Variants in OBI1 observed in about 807,000 individuals in gnomAD.
OBI1 encodes the protein ring finger protein 219.
In OBI1, 59 loss-of-function variants were observed where a neutral mutation model predicts 62.4. That is an observed-to-expected ratio of 0.95 (90% CI 0.77 to 1.17). The LOEUF (loss-of-function observed/expected upper bound fraction) is 1.17. Among genes scored for constraint, OBI1 ranks in the 50% most tolerant of loss-of-function variants. The probability of loss-of-function intolerance (pLI) is 0.00; values close to 1 mark genes in which losing one functional copy is unlikely to be tolerated. For missense variants in OBI1, 875 were observed against 830.9 expected (o/e 1.05, Z -0.65); for synonymous variants, 302 against 292.8 (o/e 1.03, Z -0.32).
intron 3 of OBI1, 65 bp downstream of exon 3, chr13:78,642,057 G>A: frequency 3.6e-6 from 3 of 826,572 alleles, no homozygotes; most frequent in Non-Finnish European, 6.2e-6. Flanking sequence ...TCTGGGGACT[G>A]AGGTAGGTCA....
At chr13:78,656,729 T>G (rs1410638663) in intron 1 of OBI1, among the ~76,000 whole-genome samples, 4 of 20,576 alleles carry the variant, frequency 1.9e-4, no homozygotes, top group Admixed American at 7.7e-4. Context: ...CCATGGTACC[T>G]GGGGGGGGGG....
At chr13:78,643,349 T>C (rs1281878807) in intron 2 of OBI1, among the ~76,000 whole-genome samples, 4 of 152,172 alleles carry the variant, frequency 2.6e-5, no homozygotes, top group Non-Finnish European at 5.9e-5. Flanking sequence ...CCCCGTAGCA[T>C]GCAACACAGC....
intron 3 of OBI1, among the ~76,000 whole-genome samples, chr13:78,641,504 T>C (rs1292154847): frequency 6.6e-6 from 1 of 152,182 alleles, no homozygotes; most frequent in Non-Finnish European, 1.5e-5. Flanking sequence ...GCTTAATGTG[T>C]ACTATTCAAA....
intron 5 of OBI1, among the ~76,000 whole-genome samples, chr13:78,627,641 G>GTA (rs1291333713): frequency 6.6e-6 from 1 of 152,198 alleles, no homozygotes; most frequent in Non-Finnish European, 1.5e-5. Flanking sequence ...ATTCCATGCT[G>GTA]TATATGTACC....
intron 5 of OBI1, among the ~76,000 whole-genome samples, chr13:78,634,743 T>C (rs962317013): frequency 1.3e-5 from 2 of 152,230 alleles, no homozygotes; most frequent in Non-Finnish European, 1.5e-5. Flanking sequence ...GAAAGAACTA[T>C]ATGAACATTA....
Position 78,636,145 on chromosome 13 carries a change from T to C in OBI1, c.550-947A>G, listed in dbSNP as rs191604300. 1.4e-4 allele frequency among the ~76,000 whole-genome samples: 21 copies of C among 152,292 alleles called. No homozygotes were observed. The South Asian group carries it at 3.1e-3, about 23-fold the overall frequency. ...TCCAAGTATGATTTTCTTTCTTGAA[T>C]TGTATAACACCTAAAAATTACCTAA... On this transcript the variant is annotated intron_variant, in intron 4 of 5. Coordinates refer to ENST00000282003, the MANE Select transcript of OBI1 (RefSeq NM_024546.4).
intron 1 of OBI1, among the ~76,000 whole-genome samples, chr13:78,648,685 G>T (rs916523744): frequency 2.0e-5 from 3 of 152,000 alleles, no homozygotes; most frequent in African/African-American, 7.2e-5. Flanking sequence ...AGGCCGAGGC[G>T]GGCTGATCAC....
In OBI1 at chr13:78,648,307, CACACAG is replaced by C. The variant is rs1278869303; in HGVS notation, c.73-3316_73-3311del. ...ACACACACACACACACACACACACACACACAGACACACACACCCCTGCAATATTCCT... is the reference window on the plus strand; with the variant it reads ...ACACACACACACACACACACACACACACACACACACCCCTGCAATATTCCT... On this transcript the variant is annotated intron_variant, in intron 1 of 5. Coordinates refer to ENST00000282003, the MANE Select transcript of OBI1 (RefSeq NM_024546.4). Among the ~76,000 whole-genome samples the C allele has an allele frequency of 4.0e-5, 6 of 151,818 alleles. 1 individual carries two copies.
At chr13:78,658,746 C>T (rs1402273068) in intron 1 of OBI1, among the ~76,000 whole-genome samples, 1 of 152,156 alleles carries the variant, frequency 6.6e-6, no homozygotes, top group Non-Finnish European at 1.5e-5. Context: ...CTGATGGGGC[C>T]TCCTTCGAGG....
intron 5 of OBI1, 85 bp downstream of exon 5, chr13:78,635,025 G>T: frequency 2.7e-6 from 2 of 750,512 alleles, no homozygotes; most frequent in Non-Finnish European, 4.4e-6. Flanking sequence ...TAAATGAAGA[G>T]TCAAACAAAA....
intron 1 of OBI1, among the ~76,000 whole-genome samples, chr13:78,645,462 C>T (rs1355983803): frequency 6.6e-6 from 1 of 152,102 alleles, no homozygotes; most frequent in African/African-American, 2.4e-5. Context: ...TGTATTGATA[C>T]TTTACTAGAA....
rs1391215756 is a variant in OBI1 at position 78,616,729 on chromosome 13, T to C, written c.1032A>G (p.Leu344=). The C allele has an allele frequency of 3.1e-6, 5 of 1,614,194 alleles. No individual in the cohort carries two copies. In the South Asian group the frequency reaches 3.3e-5, roughly 11 times the overall value. The change falls in exon 6 of 6, where the codon CTA becomes CTG. Residue 344 remains leucine (L), a synonymous_variant. Transcript: ENST00000282003. ...ACATTACTTCTACCTGTTCTTGATA[T>C]AGGTCTTTGTTCTTAGAACAGTTAA... ...ADLNCSKNKD[L]YQEQVEVMLD...
intron 1 of OBI1, among the ~76,000 whole-genome samples, chr13:78,654,755 G>C (rs959064421): frequency 7.2e-5 from 11 of 152,152 alleles, no homozygotes; most frequent in Admixed American, 5.9e-4. Context: ...TTCATTTCTG[G>C]TTATTTCAGC....
At chr13:78,618,918 C>T (rs1278109270) in intron 5 of OBI1, among the ~76,000 whole-genome samples, 4 of 152,152 alleles carry the variant, frequency 2.6e-5, no homozygotes, top group Admixed American at 6.5e-5. Context: ...CCTTTCAGTA[C>T]ATTAAGTACA....
chr13:78,615,583 A>C lies in OBI1; in HGVS notation c.2178T>G (p.Ser726Arg). 1 of 1,590,080 alleles carries C rather than the reference A, an allele frequency of 6.3e-7. No individual in the cohort carries two copies. ...SSASPSKATK[S>R] is the part of the protein sequence containing the mutation. ...CAAATGACACCTTTCTAATGAGTCA[A>C]CTTTTAGTTGCTTTTGATGGGCTGG... The change falls in exon 6 of 6, where the codon AGT (serine) becomes AGG (arginine). Residue 726 changes from serine to arginine, a missense_variant. Coordinates refer to ENST00000282003, the MANE Select transcript of OBI1 (RefSeq NM_024546.4).
chr13:78,641,686 G>T (rs9544858), intron 3 of OBI1, among the ~76,000 whole-genome samples: 82,036 of 151,928 alleles, frequency 0.54, 24,164 homozygotes, highest in Middle Eastern at 0.69. Context: ...AATTGATCAG[G>T]CTTATAATCA....
chr13:78,637,370 C>G (rs987482509), intron 4 of OBI1, among the ~76,000 whole-genome samples: 4 of 152,186 alleles, frequency 2.6e-5, no homozygotes, highest in African/African-American at 7.2e-5. Context: ...CCAAAGAATT[C>G]TGAAGTCCCA....
chr13:78,619,603 A>G (rs1875445725), intron 5 of OBI1, among the ~76,000 whole-genome samples: 1 of 152,126 alleles, frequency 6.6e-6, no homozygotes, highest in Non-Finnish European at 1.5e-5. Context: ...CCATGCTAAT[A>G]AGGGACCTGT....
intron 5 of OBI1, among the ~76,000 whole-genome samples, chr13:78,620,102 A>T (rs1175221984): frequency 1.3e-5 from 2 of 152,192 alleles, no homozygotes; most frequent in African/African-American, 4.8e-5. Context: ...GTAAGACTGC[A>T]AATAGATGAG....
Sources: allele counts gnomAD v4.1 joint callset (sites outside exome capture counted in the v4.1 genomes callset), GRCh38; gene constraint gnomAD v4.1.1; transcripts MANE v1.5; gene names NCBI Gene and HGNC (gene_info 2026-07-23, HGNC 2026-07-21).